Variants in ZNF717 observed in about 807,000 individuals in gnomAD.
The protein encoded by ZNF717 is zinc finger protein 717, also known as krueppel-like factor X17.
Under a neutral mutation model 13.8 loss-of-function variants are expected in ZNF717, and 9 were observed. That is an observed-to-expected ratio of 0.65 (90% CI 0.39 to 1.14). The LOEUF (loss-of-function observed/expected upper bound fraction) is 1.14. Ranked by LOEUF, ZNF717 falls within the 50% of genes most tolerant of loss-of-function variation. The pLI is 0.01. For missense variants in ZNF717, 1,040 were observed against 1,080.7 expected, an observed-to-expected ratio of 0.96 and a Z score of 0.53; for synonymous variants, 327 against 364.1, an observed-to-expected ratio of 0.90 and a Z score of 1.16.
rs1939277777 is a variant in ZNF717 at position 75,736,716 on chromosome 3, A to C, written c.*162T>G. 1.1e-5 allele frequency: 8 copies of C among 703,712 alleles called. No homozygotes were observed. In the Admixed American group the frequency reaches 2.4e-4, roughly 21 times the overall value. The allele number at this position is 703,712 out of a possible 1,614,324, so 43.6% of individuals were successfully genotyped here. A position where few individuals can be genotyped will look rare whatever the true frequency, so the allele number is the denominator to read the frequency against. On this transcript the variant is annotated 3_prime_UTR_variant, in exon 5 of 5. Coordinates refer to ENST00000652011, the MANE Select transcript of ZNF717 (RefSeq NM_001290208.3). The stretch of plus-strand genomic sequence containing the variant: ...ATTAAAGTGCAAAGTGTGCTGTAAA[A>C]ATGGGAACAACAAAGCCTGCATGAT...
intron 2 of ZNF717, among the ~76,000 whole-genome samples, chr3:75,764,181 T>A (rs188287618): frequency 1.2e-3 from 179 of 152,296 alleles, no homozygotes; most frequent in African/African-American, 3.7e-3. Flanking sequence ...GCCTGCTCCA[T>A]CCTCAATTGC....
chr3:75,763,396 G>A (rs1943185446), intron 2 of ZNF717, among the ~76,000 whole-genome samples: 1 of 152,236 alleles, frequency 6.6e-6, no homozygotes, highest in Non-Finnish European at 1.5e-5. Context: ...TCCTTTGAGT[G>A]TCATGTTGGC....
chr3:75,747,878 C>A (rs1941325545), intron 2 of ZNF717, among the ~76,000 whole-genome samples: 1 of 151,674 alleles, frequency 6.6e-6, no homozygotes, highest in African/African-American at 2.4e-5. Context: ...CATAAAAAAC[C>A]CTTCAAAAAA....
At chr3:75,761,025 A>C (rs7429616) in intron 2 of ZNF717, among the ~76,000 whole-genome samples, 1 of 152,206 alleles carries the variant, frequency 6.6e-6, no homozygotes, top group East Asian at 1.9e-4. Flanking sequence ...ATATGCCACA[A>C]AACTGGGCAA....
intron 2 of ZNF717, among the ~76,000 whole-genome samples, chr3:75,753,584 T>G (rs148022822): frequency 1.4e-4 from 9 of 63,060 alleles, no homozygotes; most frequent in African/African-American, 2.1e-4. Context: ...CTGCTGCGAG[T>G]GTCTGAATGT....
At chr3:75,765,535 C>T (rs555176818) in intron 2 of ZNF717, among the ~76,000 whole-genome samples, 431 of 150,272 alleles carry the variant, frequency 2.9e-3, no homozygotes, top group African/African-American at 0.01. Flanking sequence ...CTCAGCCTCC[C>T]GAATAGTTGG....
intron 4 of ZNF717, among the ~76,000 whole-genome samples, chr3:75,739,765 T>C (rs1940123903): frequency 6.6e-6 from 1 of 152,038 alleles, no homozygotes; most frequent in African/African-American, 2.4e-5. Flanking sequence ...CAGTTTTTCC[T>C]GGGTCAGCAA....
intron 6 of ZNF717, among the ~76,000 whole-genome samples, chr3:75,695,776 A>T (rs151191401): frequency 0.029 from 2,970 of 101,776 alleles, no homozygotes; most frequent in Middle Eastern, 0.096. Flanking sequence ...CTTGAAACAA[A>T]TGATAATGGA....
chr3:75,765,939 T>C (rs759647806), intron 2 of ZNF717, among the ~76,000 whole-genome samples: 1 of 151,868 alleles, frequency 6.6e-6, no homozygotes, highest in Non-Finnish European at 1.5e-5. Context: ...CAAAACCCTA[T>C]CTCTACAAAA....
chr3:75,731,252 CAGT>C (rs1279719967), downstream of ZNF717, among the ~76,000 whole-genome samples: 2 of 152,178 alleles, frequency 1.3e-5, no homozygotes, highest in African/African-American at 4.8e-5. Context: ...TGGTGTGTGC[CAGT>C]AGTACCAGCT....
At chr3:75,714,841 A>C (rs2106844556) in intron 5 of ZNF717, among the ~76,000 whole-genome samples, 1 of 152,370 alleles carries the variant, frequency 6.6e-6, no homozygotes, top group Middle Eastern at 3.4e-3. Context: ...TTATCTAAAC[A>C]GACTTTCTTA....
At chr3:75,767,798 A>G (rs2107617741) in intron 2 of ZNF717, among the ~76,000 whole-genome samples, 1 of 152,260 alleles carries the variant, frequency 6.6e-6, no homozygotes, top group East Asian at 1.9e-4. Context: ...GACATGATCT[A>G]AAGAAGGAGG....
At chr3:75,762,053 C>CA (rs914930036) in intron 2 of ZNF717, among the ~76,000 whole-genome samples, 25 of 104,816 alleles carry the variant, frequency 2.4e-4, no homozygotes, top group African/African-American at 6.4e-4. Flanking sequence ...GACGCCATCT[C>CA]AAAAAAAAGA....
chr3:75,743,963 A>T (rs997043291), intron 2 of ZNF717, among the ~76,000 whole-genome samples: 2 of 152,266 alleles, frequency 1.3e-5, no homozygotes, highest in African/African-American at 4.8e-5. Context: ...AGAGAGATCA[A>T]AACTAAAGAT....
At chr3:75,699,271 A>T (rs1937639867) in intron 6 of ZNF717, among the ~76,000 whole-genome samples, 1 of 152,308 alleles carries the variant, frequency 6.6e-6, no homozygotes, top group African/African-American at 2.4e-5. Flanking sequence ...AAATGAGTTA[A>T]GACTTTGGGG....
At chr3:75,746,088 TG>T (rs1349038297) in intron 2 of ZNF717, among the ~76,000 whole-genome samples, 2 of 152,196 alleles carry the variant, frequency 1.3e-5, no homozygotes, top group Non-Finnish European at 2.9e-5. Context: ...GTGTTTTCAT[TG>T]TTCAATTCCG....
chr3:75,709,780 C>A (rs1318493284), exon 6 of ZNF717: 2 of 152,156 alleles, frequency 1.3e-5, no homozygotes, highest in Admixed American at 6.5e-5. Context: ...TTACTAGTGA[C>A]TCCATTTTGA....
chr3:75,723,866 T>C (rs1412182687), intron 4 of ZNF717, among the ~76,000 whole-genome samples: 4 of 152,268 alleles, frequency 2.6e-5, no homozygotes, highest in African/African-American at 9.6e-5. Context: ...CACCACCTTT[T>C]GTGGAAGGCA....
Position 75,735,906 on chromosome 3 carries a change from C to T in ZNF717, c.*972G>A, listed in dbSNP as rs1244469194. 2 of 152,154 alleles carry T rather than the reference C, an allele frequency of 1.3e-5. No individual in the cohort carries two copies. Among genetic ancestry groups the T allele is most frequent in the South Asian group, 4.1e-4 (2 of 4,824 alleles). The allele number at this position is 152,154 out of a possible 1,614,324, so 9.4% of individuals were successfully genotyped here. On this transcript the variant is annotated 3_prime_UTR_variant, in exon 5 of 5. Transcript: ENST00000652011. ...CACTTTATTTTGCTTGGCAACATCA[C>T]CTTTTTAACAAATTAAAGATTTGTG...
Sources: gnomAD v4.1 joint callset for allele counts (sites outside exome capture counted in the v4.1 genomes callset) on GRCh38, gnomAD v4.1.1 for gene constraint, MANE v1.5 for transcripts, NCBI Gene and HGNC (gene_info 2026-07-23, HGNC 2026-07-21) for gene names.